The following SMOC2 variants were observed in gnomAD, a reference collection of about 807,000 sequenced individuals.
SMOC2 encodes the protein SPARC-related modular calcium-binding protein 2.
SMOC2 carries 39 observed loss-of-function variants against 61.4 expected under a neutral mutation model. The ratio of observed to expected loss-of-function variants is 0.64; its 90% CI spans 0.49 to 0.83. SMOC2 has a LOEUF of 0.83. Ranked by LOEUF, SMOC2 falls within the 40% of genes least tolerant of loss-of-function variation. The pLI is 0.00. For missense variants in SMOC2, 556 were observed against 592.9 expected (o/e 0.94, Z 0.65); for synonymous variants, 247 against 239.9 (o/e 1.03, Z -0.27).
At chr6:168,602,250 CTG>C (rs1785571311) in intron 8 of SMOC2, among the ~76,000 whole-genome samples, 1 of 152,158 alleles carries the variant, frequency 6.6e-6, no homozygotes, top group Non-Finnish European at 1.5e-5. Flanking sequence ...ACTCGACTCT[CTG>C]GAGACAGGGA....
chr6:168,624,887 A>C (rs894976479), intron 9 of SMOC2, among the ~76,000 whole-genome samples: 37 of 152,042 alleles, frequency 2.4e-4, no homozygotes, highest in Middle Eastern at 3.4e-3. Flanking sequence ...ACACACAAAC[A>C]CAGATACATA....
intron 1 of SMOC2, among the ~76,000 whole-genome samples, chr6:168,504,620 A>G (rs1046032077): frequency 2.6e-5 from 4 of 152,070 alleles, no homozygotes; most frequent in African/African-American, 9.7e-5. Context: ...GCCTTAGGTC[A>G]TCTTTTAGGA....
chr6:168,476,702 A>C (rs183976644), intron 1 of SMOC2, among the ~76,000 whole-genome samples: 8 of 152,198 alleles, frequency 5.3e-5, no homozygotes, highest in Admixed American at 5.2e-4. Context: ...TCGACATTTA[A>C]TTTTAAAATT....
At chr6:168,527,899 G>C (rs1431680558) in intron 4 of SMOC2, among the ~76,000 whole-genome samples, 172 bp downstream of exon 4, 1 of 152,256 alleles carries the variant, frequency 6.6e-6, no homozygotes, top group Non-Finnish European at 1.5e-5. Flanking sequence ...ATTTTAGGGA[G>C]CCCTTGTTTT....
At chr6:168,500,552 T>A (rs1782703565) in intron 1 of SMOC2, among the ~76,000 whole-genome samples, 1 of 151,504 alleles carries the variant, frequency 6.6e-6, no homozygotes, top group Non-Finnish European at 1.5e-5. Context: ...CTCCAACACC[T>A]TCTCTCGGCC....
intron 9 of SMOC2, among the ~76,000 whole-genome samples, chr6:168,649,887 C>A (rs1012175214): frequency 1.3e-5 from 2 of 152,300 alleles, no homozygotes; most frequent in Non-Finnish European, 2.9e-5. Flanking sequence ...GGCAGTAGCA[C>A]CGGGAACGGT....
At chr6:168,559,858 C>A (rs942738628) in intron 7 of SMOC2, among the ~76,000 whole-genome samples, 1 of 152,184 alleles carries the variant, frequency 6.6e-6, no homozygotes, top group Non-Finnish European at 1.5e-5. Flanking sequence ...TTAATGAAAT[C>A]ATCTTTCTCT....
intron 1 of SMOC2, among the ~76,000 whole-genome samples, chr6:168,467,087 C>T (rs1006594989): frequency 4.0e-5 from 6 of 151,676 alleles, no homozygotes; most frequent in African/African-American, 1.5e-4. Context: ...TGCAGCACTT[C>T]TGCCGTCCAG....
At chr6:168,524,534 A>G (rs1783409138) in intron 2 of SMOC2, among the ~76,000 whole-genome samples, 1 of 152,264 alleles carries the variant, frequency 6.6e-6, no homozygotes, top group Non-Finnish European at 1.5e-5. Flanking sequence ...GGCATGTTCC[A>G]TGATAGCTCA....
intron 7 of SMOC2, among the ~76,000 whole-genome samples, chr6:168,566,123 T>A (rs1422199915): frequency 2.6e-5 from 4 of 152,182 alleles, no homozygotes; most frequent in African/African-American, 9.7e-5. Flanking sequence ...TACGAAGCTA[T>A]GGCAATGCGT....
chr6:168,452,251 G>A lies in SMOC2; in HGVS notation c.84+10797G>A, dbSNP rs1377258146. Among the ~76,000 whole-genome samples the A allele has an allele frequency of 6.6e-6, 1 of 152,200 alleles. No homozygotes were observed. Among genetic ancestry groups the A allele is most frequent in the African/African-American group, 2.4e-5 (1 of 41,452 alleles). On this transcript the variant is annotated intron_variant, in intron 1 of 12. Coordinates refer to ENST00000356284, the MANE Select transcript of SMOC2 (RefSeq NM_001166412.2). This position sits in a 1 kb window ranked among gnomAD's most constrained non-coding sequence, Gnocchi z 5.0. ...GACATTTTAGCTTGATGTTTCTACT[G>A]TCTTTATTTAGAAGTCTGGGATATG...
At chr6:168,557,164 CGTGTTTATTCTG>C (rs1373246443) in intron 7 of SMOC2, among the ~76,000 whole-genome samples, 6 of 151,992 alleles carry the variant, frequency 3.9e-5, no homozygotes, top group Admixed American at 3.3e-4. Flanking sequence ...CTAAGTTTTT[CGTGTTTATTCTG>C]TTTTTCAAAT....
At chr6:168,598,785 C>T (rs372097960) in intron 7 of SMOC2, 33 bp from the exon 8 acceptor site, 1 of 1,610,948 alleles carries the variant, frequency 6.2e-7, no homozygotes. Flanking sequence ...GTCGCTGGAT[C>T]CTGCTCACCT....
chr6:168,530,405 A>G (rs1323530429), intron 4 of SMOC2, among the ~76,000 whole-genome samples: 1 of 152,170 alleles, frequency 6.6e-6, no homozygotes, highest in Non-Finnish European at 1.5e-5. Flanking sequence ...TAATCCATAA[A>G]TTCCTATTAA....
chr6:168,504,769 G>C (rs1782821945), intron 1 of SMOC2, among the ~76,000 whole-genome samples: 1 of 151,138 alleles, frequency 6.6e-6, no homozygotes, highest in African/African-American at 2.4e-5. Flanking sequence ...ACTAGGGCAG[G>C]CTCTTCTTCA....
At chr6:168,459,246 C>T (rs1032376573) in intron 1 of SMOC2, among the ~76,000 whole-genome samples, 1 of 152,154 alleles carries the variant, frequency 6.6e-6, no homozygotes, top group Non-Finnish European at 1.5e-5. Context: ...AGGCTCAAAG[C>T]CGGGGCGTGG....
intron 7 of SMOC2, among the ~76,000 whole-genome samples, chr6:168,575,496 G>A (rs1163614932): frequency 1.3e-5 from 2 of 152,152 alleles, no homozygotes; most frequent in African/African-American, 4.8e-5. Flanking sequence ...AATGAGGAGC[G>A]TGGACACAGC....
intron 2 of SMOC2, among the ~76,000 whole-genome samples, chr6:168,524,739 C>T (rs938666182): frequency 2.0e-5 from 3 of 152,260 alleles, no homozygotes; most frequent in Non-Finnish European, 4.4e-5. Context: ...TGAGTGCTGG[C>T]TGGCCAGGCC....
rs551183247 is a variant in SMOC2, at chr6:168,523,079, A to ATTCTTTTTTTTT, written c.257-3265_257-3264insCTTTTTTTTTTT. 5.1e-3 allele frequency among the ~76,000 whole-genome samples: 478 copies of ATTCTTTTTTTTT among 93,648 alleles called. 114 individuals are homozygous for ATTCTTTTTTTTT. Among genetic ancestry groups the ATTCTTTTTTTTT allele is most frequent in the African/African-American group, 8.6e-3 (260 of 30,098 alleles). The allele number at this position is 93,648 out of a possible 152,430, so 61.4% of individuals were successfully genotyped here. ...TTATGTTATTTGTAGTTGTACAGTA[A>ATTCTTTTTTTTT]TTTTTTTTTTTTTTTTTTTTGAGAC... On this transcript the variant is annotated intron_variant, in intron 2 of 12. Transcript: ENST00000356284.
Sources: gnomAD v4.1 joint callset for allele counts (sites outside exome capture counted in the v4.1 genomes callset) on GRCh38, gnomAD v4.1.1 for gene constraint, Gnocchi (gnomAD v3.1) non-coding constraint, MANE v1.5 for transcripts, NCBI Gene and HGNC (gene_info 2026-07-23, HGNC 2026-07-21) for gene names.